Variants in INVS observed in about 807,000 individuals in gnomAD.
INVS encodes inversion of embryo turning homolog.
A neutral mutation model predicts 108.8 loss-of-function variants in INVS; 86 were observed. That is an observed-to-expected ratio of 0.79 (90% CI 0.66 to 0.95). The LOEUF (loss-of-function observed/expected upper bound fraction) is 0.95, where lower values mean the gene tolerates loss of function less well. Ranked by LOEUF, INVS falls within the 40% of genes least tolerant of loss-of-function variation. INVS has a pLI of 0.00. For missense variants in INVS, 1,169 were observed against 1,297.4 expected, an observed-to-expected ratio of 0.90 and a Z score of 1.52; for synonymous variants, 455 against 473.5, an observed-to-expected ratio of 0.96 and a Z score of 0.51.
At chr9:100,147,247 A>G (rs1828648267) in intron 3 of INVS, among the ~76,000 whole-genome samples, 1 of 152,178 alleles carries the variant, frequency 6.6e-6, no homozygotes, top group African/African-American at 2.4e-5. Flanking sequence ...CTGTAAAATG[A>G]CTTTCTTGAA....
chr9:100,206,415 G>A lies in INVS; in HGVS notation c.274-19647G>A, dbSNP rs922372854. On this transcript the variant is annotated intron_variant, in intron 3 of 16. Coordinates refer to ENST00000262457, the MANE Select transcript of INVS (RefSeq NM_014425.5). Reference sequence around the variant, plus strand: ...GATATAATCTCAAATTTACAGAAAAGTTTCAAGAACAGTACAAATAATTTT... The same window carrying A: ...GATATAATCTCAAATTTACAGAAAAATTTCAAGAACAGTACAAATAATTTT... 8.6e-5 allele frequency among the ~76,000 whole-genome samples: 13 copies of A among 151,312 alleles called. 1 individual carries two copies. Among genetic ancestry groups the A allele is most frequent in the African/African-American group, 3.1e-4 (13 of 41,328 alleles).
chr9:100,248,251 T>C (rs962713763), intron 8 of INVS, among the ~76,000 whole-genome samples: 1 of 152,234 alleles, frequency 6.6e-6, no homozygotes, highest in Non-Finnish European at 1.5e-5. Context: ...TTGATTTTAG[T>C]TTAACTTTTT....
intron 3 of INVS, among the ~76,000 whole-genome samples, chr9:100,154,980 A>G (rs1200958700): frequency 6.6e-6 from 1 of 152,262 alleles, no homozygotes; most frequent in African/African-American, 2.4e-5. Context: ...TGGGAGGTCA[A>G]GGTGGGCGGA....
intron 10 of INVS, among the ~76,000 whole-genome samples, chr9:100,256,681 G>A (rs1249926296): frequency 6.6e-6 from 1 of 152,188 alleles, no homozygotes; most frequent in Non-Finnish European, 1.5e-5. Context: ...GTACCCAGTA[G>A]TCATTCAGGA....
rs564282468 is a variant in INVS, at chr9:100,291,004, C to T, written c.2069-1322C>T. ...CTGGGCCCACTGCACCCAGCCAGAA[C>T]AGTTATTTTAAAGTCTGTTTCTGAA... On this transcript the variant is annotated intron_variant, in intron 13 of 16. Transcript: ENST00000262457. Among the ~76,000 whole-genome samples, 7 of 151,944 alleles carry T rather than the reference C, an allele frequency of 4.6e-5. No individual in the cohort carries two copies. In the East Asian group the frequency reaches 1.4e-3, roughly 30 times the overall value.
chr9:100,126,807 A>G (rs1446986669), intron 3 of INVS, among the ~76,000 whole-genome samples: 1 of 152,212 alleles, frequency 6.6e-6, no homozygotes, highest in Non-Finnish European at 1.5e-5. Flanking sequence ...GATCAAATTT[A>G]TATATACAAT....
At chr9:100,215,607 A>C in intron 3 of INVS, 1 of 152,208 alleles carries the variant, frequency 6.6e-6, no homozygotes, top group East Asian at 1.9e-4. Flanking sequence ...TTAAGTACCT[A>C]ACTATTGGCT....
chr9:100,160,575 C>G (rs1328919014), intron 3 of INVS, among the ~76,000 whole-genome samples: 1 of 152,150 alleles, frequency 6.6e-6, no homozygotes, highest in Non-Finnish European at 1.5e-5. Context: ...GGCTGACTTG[C>G]AAGTCTGAAT....
At chr9:100,289,023 C>G (rs186774814) in intron 13 of INVS, among the ~76,000 whole-genome samples, 2 of 152,136 alleles carry the variant, frequency 1.3e-5, no homozygotes, top group Non-Finnish European at 2.9e-5. Flanking sequence ...CAGCACATCC[C>G]GGGATCTTTA....
At chr9:100,162,826 C>CAA (rs35002647) in intron 3 of INVS, among the ~76,000 whole-genome samples, 15 of 139,288 alleles carry the variant, frequency 1.1e-4, no homozygotes, top group African/African-American at 2.3e-4. Context: ...GACTCCATCT[C>CAA]AAAAAAAAAA....
At chr9:100,150,307 T>C (rs1368130394) in intron 3 of INVS, among the ~76,000 whole-genome samples, 1 of 152,156 alleles carries the variant, frequency 6.6e-6, no homozygotes, top group Non-Finnish European at 1.5e-5. Flanking sequence ...CTTCTCTGAC[T>C]CCCATTTTTA....
chr9:100,203,342 G>A (rs558689524), intron 3 of INVS, among the ~76,000 whole-genome samples: 8 of 151,572 alleles, frequency 5.3e-5, no homozygotes, highest in East Asian at 1.9e-4. Context: ...CTGTAGTCTC[G>A]GGTAACTTTT....
chr9:100,216,361 T>C (rs890584406), intron 3 of INVS, among the ~76,000 whole-genome samples: 15 of 152,220 alleles, frequency 9.9e-5, no homozygotes, highest in Non-Finnish European at 1.8e-4. Context: ...TCATTGAGGT[T>C]GGACAGCTAC....
At chr9:100,266,517 T>A (rs1832797662) in intron 11 of INVS, among the ~76,000 whole-genome samples, 1 of 152,112 alleles carries the variant, frequency 6.6e-6, no homozygotes, top group Non-Finnish European at 1.5e-5. Context: ...CTGGTGGGAG[T>A]GTAGCAGTGA....
At chr9:100,285,783 A>G (rs1336887304) in intron 13 of INVS, among the ~76,000 whole-genome samples, 1 of 152,200 alleles carries the variant, frequency 6.6e-6, no homozygotes, top group Non-Finnish European at 1.5e-5. Context: ...AGTCAGTCAC[A>G]TAGATACCCT....
intron 3 of INVS, chr9:100,175,096 C>T: frequency 3.9e-6 from 1 of 253,444 alleles, no homozygotes; most frequent in South Asian, 5.6e-5. Flanking sequence ...CCTCTGACAT[C>T]TTCCAGAAAA....
Position 100,129,605 on chromosome 9 carries a change from T to C in INVS, c.273+3056T>C, listed in dbSNP as rs1588022696. The stretch of plus-strand genomic sequence containing the variant: ...GGCATCAATTCTGGCCATAATGGCT[T>C]ATTTTAAACTAATTTGCCTGTCAAA... On this transcript the variant is annotated intron_variant, in intron 3 of 16. Coordinates refer to ENST00000262457, the MANE Select transcript of INVS (RefSeq NM_014425.5). 3 of 583,950 alleles carry C rather than the reference T, an allele frequency of 5.1e-6. No individual in the cohort carries two copies. The East Asian group carries it at 8.6e-5, about 17-fold the overall frequency. The allele number at this position is 583,950 out of a possible 1,614,324, so 36.2% of individuals were successfully genotyped here.
intron 12 of INVS, among the ~76,000 whole-genome samples, chr9:100,274,606 G>A (rs1833062609): frequency 6.6e-6 from 1 of 152,174 alleles, no homozygotes; most frequent in Non-Finnish European, 1.5e-5. Flanking sequence ...CCGGGTTCAA[G>A]CGATTCTTAT....
chr9:100,230,813 G>A (rs987776402), intron 5 of INVS, among the ~76,000 whole-genome samples: 9 of 152,188 alleles, frequency 5.9e-5, no homozygotes, highest in East Asian at 1.9e-4. Context: ...CAACGTGTCC[G>A]ACCACTGGTG....
Sources: allele counts gnomAD v4.1 joint callset (sites outside exome capture counted in the v4.1 genomes callset), GRCh38; gene constraint gnomAD v4.1.1; transcripts MANE v1.5; gene names NCBI Gene and HGNC (gene_info 2026-07-23, HGNC 2026-07-21).